Variants in MAF observed in about 807,000 individuals in gnomAD.
MAF encodes the protein transcription factor Maf.
In MAF, 10 loss-of-function variants were observed where a neutral mutation model predicts 22.0. The ratio of observed to expected loss-of-function variants is 0.45; its 90% CI spans 0.28 to 0.77. MAF has a LOEUF of 0.77. MAF is among the 30% of genes least tolerant of loss of function. MAF has a pLI of 0.12. For synonymous variants in MAF, 337 were observed against 255.8 expected, an observed-to-expected ratio of 1.32 and a Z score of -3.03; for missense variants, 544 against 548.4, an observed-to-expected ratio of 0.99 and a Z score of 0.08.
the MAF span, among the ~76,000 whole-genome samples, chr16:79,335,127 G>T: frequency 6.7e-6 from 1 of 149,090 alleles, no homozygotes; most frequent in Non-Finnish European, 1.5e-5. Flanking sequence ...AGATGTTGCA[G>T]TAATCCAAGA....
chr16:79,255,514 C>T, the MAF span, among the ~76,000 whole-genome samples: 3 of 152,214 alleles, frequency 2.0e-5, no homozygotes, highest in Non-Finnish European at 1.5e-5. Flanking sequence ...ATTTAGGCAG[C>T]ATTCACCTCA....
At chr16:79,467,560 G>A in the MAF span, among the ~76,000 whole-genome samples, 1 of 152,214 alleles carries the variant, frequency 6.6e-6, no homozygotes, top group Non-Finnish European at 1.5e-5. Context: ...GGTGATTCCA[G>A]AGCTCGTGCC....
the MAF span, among the ~76,000 whole-genome samples, chr16:79,385,078 C>T: frequency 2.6e-5 from 4 of 152,094 alleles, no homozygotes; most frequent in Admixed American, 2.6e-4. Context: ...ATGTACCTGC[C>T]TAGGGAGATT....
chr16:79,273,095 C>G, the MAF span, among the ~76,000 whole-genome samples: 1 of 152,164 alleles, frequency 6.6e-6, no homozygotes, highest in Non-Finnish European at 1.5e-5. Context: ...TTGTTTTGCT[C>G]TGCGGTGTCC....
At chr16:79,569,023 C>T in the MAF span, among the ~76,000 whole-genome samples, 2 of 152,194 alleles carry the variant, frequency 1.3e-5, no homozygotes, top group Non-Finnish European at 2.9e-5. Flanking sequence ...AGCATGTCTA[C>T]CATGTACTGA....
At chr16:79,361,741 AG>A in the MAF span, among the ~76,000 whole-genome samples, 200 of 148,318 alleles carry the variant, frequency 1.3e-3, 4 homozygotes, top group African/African-American at 4.8e-3. Context: ...CCCAAGGTGA[AG>A]TTCGGTGCTG....
chr16:79,573,933 C>A, the MAF span, among the ~76,000 whole-genome samples: 1 of 152,190 alleles, frequency 6.6e-6, no homozygotes, highest in East Asian at 1.9e-4. Flanking sequence ...TTTTACCAGG[C>A]TCTTATCTCC....
At chr16:79,260,920 G>A in the MAF span, among the ~76,000 whole-genome samples, 1 of 152,168 alleles carries the variant, frequency 6.6e-6, no homozygotes, top group African/African-American at 2.4e-5. Context: ...ACCCAAGACA[G>A]ATACAACCAA....
chr16:79,557,198 A>G, the MAF span, among the ~76,000 whole-genome samples: 9 of 151,590 alleles, frequency 5.9e-5, no homozygotes. Context: ...TGCTAGTGCC[A>G]GCTACATCTA....
the MAF span, among the ~76,000 whole-genome samples, chr16:79,449,049 G>A: frequency 1.3e-5 from 2 of 152,116 alleles, no homozygotes; most frequent in Non-Finnish European, 2.9e-5. Context: ...GTCCCATCTG[G>A]GGGTGATGGG....
the MAF span, among the ~76,000 whole-genome samples, chr16:79,297,788 G>GGA: frequency 1.3e-5 from 2 of 152,160 alleles, no homozygotes; most frequent in Non-Finnish European, 2.9e-5. Context: ...TCTATGCGAG[G>GGA]GACTGGTGGG....
chr16:79,375,157 G>C, the MAF span, among the ~76,000 whole-genome samples: 3 of 152,222 alleles, frequency 2.0e-5, no homozygotes, highest in Non-Finnish European at 4.4e-5. Flanking sequence ...AGTGTAAAAA[G>C]TGGATGGCTA....
chr16:79,227,334 G>A, the MAF span, among the ~76,000 whole-genome samples: 4 of 152,202 alleles, frequency 2.6e-5, no homozygotes, highest in East Asian at 1.9e-4. Flanking sequence ...CTGGGGGACA[G>A]AAGGATACCC....
chr16:79,544,910 G>A, the MAF span, among the ~76,000 whole-genome samples: 14 of 151,954 alleles, frequency 9.2e-5, no homozygotes, highest in Admixed American at 9.2e-4. Flanking sequence ...ACCTAATAAC[G>A]AGGGACTGAT....
chr16:79,236,198 G>A, the MAF span, among the ~76,000 whole-genome samples: 5 of 152,144 alleles, frequency 3.3e-5, 1 homozygote, highest in Admixed American at 2.6e-4. Flanking sequence ...TAGCTTGTGC[G>A]CTCAACTTGT....
chr16:79,368,002 T>C, the MAF span, among the ~76,000 whole-genome samples: 1 of 152,182 alleles, frequency 6.6e-6, no homozygotes, highest in Non-Finnish European at 1.5e-5. Flanking sequence ...ACTCCATTTG[T>C]TCAACGAGTG....
the MAF span, among the ~76,000 whole-genome samples, chr16:79,440,831 A>G: frequency 2.0e-5 from 3 of 152,140 alleles, no homozygotes; most frequent in Non-Finnish European, 4.4e-5. Context: ...TCTCATATTT[A>G]CTCACTTGGC....
the MAF span, among the ~76,000 whole-genome samples, chr16:79,344,864 T>C: frequency 6.6e-6 from 1 of 152,222 alleles, no homozygotes; most frequent in Non-Finnish European, 1.5e-5. Flanking sequence ...TAGCCTTCCA[T>C]TTTGTTACAT....
At chr16:79,493,724 G>C in the MAF span, among the ~76,000 whole-genome samples, 1 of 152,272 alleles carries the variant, frequency 6.6e-6, no homozygotes, top group Non-Finnish European at 1.5e-5. Context: ...AGCCACCTCA[G>C]CTTGCATTAT....
Sources: allele counts gnomAD v4.1 joint callset (sites outside exome capture counted in the v4.1 genomes callset), GRCh38; gene constraint gnomAD v4.1.1; transcripts MANE v1.5; gene names NCBI Gene and HGNC (gene_info 2026-07-23, HGNC 2026-07-21).